The following TENM1 variants were observed in gnomAD, a reference collection of about 807,000 sequenced individuals.
TENM1 encodes teneurin-1.
In TENM1, 35 loss-of-function variants were observed where a neutral mutation model predicts 174.8. The observed-to-expected ratio is 0.20, with a 90% CI of 0.15 to 0.27. TENM1 has a LOEUF of 0.27. Ranked by LOEUF, TENM1 falls within the 10% of genes least tolerant of loss-of-function variation. The pLI, the probability that TENM1 is intolerant of heterozygous loss-of-function variation, is 1.00. For synonymous variants in TENM1, 781 were observed against 798.7 expected (o/e 0.98, Z 0.37); for missense variants, 1,633 against 2,130.1 (o/e 0.77, Z 4.59).
chrX:125,099,520 GA>G, the TENM1 span, among the ~76,000 whole-genome samples: 1 of 111,938 alleles, frequency 8.9e-6, no homozygotes, highest in Non-Finnish European at 1.9e-5. Context: ...AAAGGAAATG[GA>G]ATGTCATCAC....
rs60541515 is a variant in TENM1 at position 124,663,751 on chromosome X, GTT to G, written c.1168+7930_1168+7931del. Among the ~76,000 whole-genome samples the G allele has an allele frequency of 6.5e-4, 61 of 93,900 alleles. 1 individual carries two copies. The highest frequency in any genetic ancestry group is 2.0e-3 in the African/African-American group (53 of 26,101). 81.5% of individuals were successfully genotyped at this position (93,900 alleles called of 115,157 possible). On this transcript the variant is annotated intron_variant, in intron 6 of 31. Coordinates refer to ENST00000422452, the Ensembl canonical transcript of TENM1. ...TGCATCACAGGAAAGGTGTGTATTA[GTT>G]TTTTTTTTTTTTTTTAAGTAAAATG...
chrX:124,682,589 T>C (rs779028218), intron 5 of TENM1, among the ~76,000 whole-genome samples: 1 of 111,144 alleles, frequency 9.0e-6, no homozygotes, highest in Admixed American at 9.6e-5. Flanking sequence ...GGCCAGTACA[T>C]TTAAAGTGAA....
intron 14 of TENM1, among the ~76,000 whole-genome samples, chrX:124,551,526 A>G (rs868005983): frequency 1.1e-5 from 1 of 87,318 alleles, no homozygotes; most frequent in African/African-American, 4.2e-5. Context: ...ACACACACAC[A>G]CCCACACACA....
intron 3 of TENM1, among the ~76,000 whole-genome samples, chrX:124,759,586 T>C (rs1244809445): frequency 8.9e-6 from 1 of 111,844 alleles, no homozygotes; most frequent in Non-Finnish European, 1.9e-5. Flanking sequence ...TTTCCATTCC[T>C]GAGATACTTC....
intron 11 of TENM1, among the ~76,000 whole-genome samples, chrX:124,623,948 A>G (rs1471951652): frequency 9.0e-6 from 1 of 111,614 alleles, no homozygotes; most frequent in African/African-American, 3.3e-5. Context: ...TTGATATAAC[A>G]TTTTCCTTTT....
At chrX:124,778,731 C>T (rs2147166742) in intron 3 of TENM1, among the ~76,000 whole-genome samples, 1 of 111,680 alleles carries the variant, frequency 9.0e-6, no homozygotes, top group South Asian at 3.7e-4. Context: ...CATTTTAATT[C>T]GTAGATAGCA....
rs181963079 is a variant in TENM1, at chrX:124,505,944, G to A, written c.3302-2241C>T. On this transcript the variant is annotated intron_variant, in intron 18 of 31. Transcript: ENST00000422452. The stretch of plus-strand genomic sequence containing the variant: ...GAGGATCAAACCCAAAAGCCAAATA[G>A]AACACTGAATCTTATGCTGGAAAAA... Among the ~76,000 whole-genome samples the A allele has an allele frequency of 1.6e-3, 176 of 111,580 alleles. 1 individual carries two copies. The highest frequency in any genetic ancestry group is 1.0e-3 in the Non-Finnish European group (55 of 53,072).
chrX:124,838,438 A>C (rs1357153641), intron 3 of TENM1, among the ~76,000 whole-genome samples: 1 of 112,311 alleles, frequency 8.9e-6, no homozygotes, highest in Non-Finnish European at 1.9e-5. Context: ...GAAAAGATAA[A>C]GTGAAAAGGC....
At chrX:124,722,085 T>C (rs183870668) in intron 4 of TENM1, among the ~76,000 whole-genome samples, 4 of 112,248 alleles carry the variant, frequency 3.6e-5, no homozygotes, top group East Asian at 2.8e-4. Flanking sequence ...CTATGGTAAA[T>C]GACAAAATTT....
chrX:124,687,715 A>T (rs2052402542), intron 5 of TENM1, among the ~76,000 whole-genome samples: 1 of 112,267 alleles, frequency 8.9e-6, no homozygotes. Flanking sequence ...ATTTACAAGG[A>T]ACTTAAACAA....
chrX:125,005,185 TACATACAC>T, the TENM1 span, among the ~76,000 whole-genome samples: 1 of 62,208 alleles, frequency 1.6e-5, no homozygotes, highest in Non-Finnish European at 3.0e-5. Context: ...AAAAGATGTA[TACATACAC>T]ACACACACAC....
intron 11 of TENM1, among the ~76,000 whole-genome samples, chrX:124,631,337 G>A (rs1238106520): frequency 1.8e-5 from 2 of 111,423 alleles, no homozygotes; most frequent in Non-Finnish European, 3.8e-5. Context: ...ATTACAATAA[G>A]CATAGCTAAA....
At position 124,580,538 on chromosome X, in the gene TENM1, T is replaced by A. The variant is rs190025858; in HGVS notation, c.2078-14978A>T. 3.7e-5 allele frequency among the ~76,000 whole-genome samples: 4 copies of A among 107,188 alleles called. No homozygotes were observed. In the East Asian group the frequency reaches 1.2e-3, roughly 32 times the overall value. 93.1% of individuals were successfully genotyped at this position (107,188 alleles called of 115,157 possible). A position where few individuals can be genotyped will look rare whatever the true frequency, so the allele number is the denominator to read the frequency against. On this transcript the variant is annotated intron_variant, in intron 11 of 31. Coordinates refer to ENST00000422452, the Ensembl canonical transcript of TENM1. Reference sequence around the variant, plus strand: ...TATGCACACACACATACACACAGAGTTAGGGAATAAAATAGTGGTTATGGA... The same window carrying A: ...TATGCACACACACATACACACAGAGATAGGGAATAAAATAGTGGTTATGGA...
chrX:125,172,321 A>C, the TENM1 span, among the ~76,000 whole-genome samples: 2 of 99,235 alleles, frequency 2.0e-5, no homozygotes, highest in African/African-American at 8.0e-5. Flanking sequence ...ATTCAACCTC[A>C]CCCCCCCCCA....
the TENM1 span, among the ~76,000 whole-genome samples, chrX:125,198,456 C>CA: frequency 9.0e-6 from 1 of 111,233 alleles, no homozygotes; most frequent in East Asian, 2.8e-4. Context: ...TCTATTAGAA[C>CA]AAAAAATGCT....
intron 3 of TENM1, among the ~76,000 whole-genome samples, chrX:124,798,047 T>C (rs1367364058): frequency 8.9e-6 from 1 of 111,882 alleles, no homozygotes; most frequent in Non-Finnish European, 1.9e-5. Flanking sequence ...TACAGCTGCA[T>C]AGTATTCCAT....
chrX:125,122,796 T>G, the TENM1 span, among the ~76,000 whole-genome samples: 2 of 109,739 alleles, frequency 1.8e-5, no homozygotes, highest in African/African-American at 3.3e-5. Flanking sequence ...GGTGAATAAG[T>G]AGAAACTTAT....
intron 11 of TENM1, among the ~76,000 whole-genome samples, chrX:124,595,454 A>G (rs1393028287): frequency 1.8e-5 from 2 of 112,283 alleles, no homozygotes; most frequent in Non-Finnish European, 3.8e-5. Context: ...TGATTGACTA[A>G]TAATTTCCAA....
At chrX:124,868,281 CAGAT>C (rs1215375682) in intron 3 of TENM1, among the ~76,000 whole-genome samples, 13 of 111,620 alleles carry the variant, frequency 1.2e-4, no homozygotes, top group African/African-American at 3.3e-4. Context: ...TAAAAACAGA[CAGAT>C]AGACAGTGGA....
Sources: allele counts gnomAD v4.1 joint callset (sites outside exome capture counted in the v4.1 genomes callset), GRCh38; gene constraint gnomAD v4.1.1; transcripts MANE v1.5; gene names NCBI Gene and HGNC (gene_info 2026-07-23, HGNC 2026-07-21).